The following DPP6 variants were observed in gnomAD, a reference collection of about 807,000 sequenced individuals.
DPP6 encodes dipeptidyl peptidase like 6.
A neutral mutation model predicts 122.6 loss-of-function variants in DPP6; 69 were observed. The ratio of observed to expected loss-of-function variants is 0.56; its 90% CI spans 0.46 to 0.69. The LOEUF is 0.69. Among genes scored for constraint, DPP6 ranks in the 30% least tolerant of loss-of-function variants. The pLI is 0.00. For missense variants in DPP6, 928 were observed against 1,116.9 expected, an observed-to-expected ratio of 0.83 and a Z score of 2.41; for synonymous variants, 418 against 433.1, an observed-to-expected ratio of 0.97 and a Z score of 0.43.
At chr7:154,823,612 G>A (rs1799944568) in intron 16 of DPP6, among the ~76,000 whole-genome samples, 1 of 152,288 alleles carries the variant, frequency 6.6e-6, no homozygotes, top group African/African-American at 2.4e-5. Context: ...GGATCTCATC[G>A]TGTGTAATAT....
intron 13 of DPP6, among the ~76,000 whole-genome samples, chr7:154,801,986 C>T (rs183218714): frequency 4.1e-4 from 62 of 152,164 alleles, no homozygotes; most frequent in African/African-American, 1.4e-3. Context: ...AGTAGGGAAT[C>T]TCAGAGATTA....
intron 25 of DPP6, among the ~76,000 whole-genome samples, chr7:154,891,976 T>C (rs547002864): frequency 2.6e-5 from 4 of 152,182 alleles, no homozygotes; most frequent in African/African-American, 9.6e-5. Context: ...ATCCGGACTG[T>C]AGAGTGTTGA....
intron 5 of DPP6, among the ~76,000 whole-genome samples, chr7:154,589,604 G>A (rs1218226591): frequency 6.6e-6 from 1 of 152,204 alleles, no homozygotes; most frequent in African/African-American, 2.4e-5. Flanking sequence ...TGGGGAATGT[G>A]GCTGGTCTGA....
intron 1 of DPP6, among the ~76,000 whole-genome samples, chr7:154,172,014 C>A (rs772953979): frequency 5.9e-5 from 9 of 152,138 alleles, no homozygotes; most frequent in Non-Finnish European, 1.5e-5. Context: ...GAGAGGTGAT[C>A]TGACACAAGG....
In DPP6 at chr7:154,860,199, T is replaced by A. The variant is rs758490410; in HGVS notation, c.1714+6372T>A. Among the ~76,000 whole-genome samples, 9 of 152,106 alleles carry A rather than the reference T, an allele frequency of 5.9e-5. 1 individual carries two copies. The highest frequency in any genetic ancestry group is 1.3e-4 in the Admixed American group (2 of 15,272). ...CTGCTGGGCGCACCCCTGCCCCACC[T>A]TCTCCCTGAGGCACCCCCTCCTAGA... On this transcript the variant is annotated intron_variant, in intron 17 of 25. Coordinates refer to ENST00000377770, the MANE Select transcript of DPP6 (RefSeq NM_130797.4).
chr7:154,707,710 T>C (rs1840913333), intron 7 of DPP6, among the ~76,000 whole-genome samples: 1 of 152,190 alleles, frequency 6.6e-6, no homozygotes, highest in South Asian at 2.1e-4. Context: ...AAGAGATACC[T>C]GAGACTGGGT....
intron 1 of DPP6, among the ~76,000 whole-genome samples, chr7:153,932,325 T>C (rs984072316): frequency 6.6e-6 from 1 of 152,092 alleles, no homozygotes; most frequent in Non-Finnish European, 1.5e-5. Context: ...TTCACCATGT[T>C]GACCAGGGTG....
intron 4 of DPP6, among the ~76,000 whole-genome samples, chr7:154,552,005 T>C (rs1346798178): frequency 6.6e-6 from 1 of 152,202 alleles, no homozygotes; most frequent in African/African-American, 2.4e-5. Context: ...AATCCAGCTT[T>C]TTCCAATTGT....
chr7:154,266,441 T>A (rs1803424069), intron 1 of DPP6, among the ~76,000 whole-genome samples: 1 of 152,104 alleles, frequency 6.6e-6, no homozygotes, highest in Admixed American at 6.6e-5. Flanking sequence ...TAGCTGGGTG[T>A]GGTGGTGCAC....
intron 7 of DPP6, among the ~76,000 whole-genome samples, chr7:154,716,125 C>T (rs960059904): frequency 2.6e-5 from 4 of 152,154 alleles, no homozygotes; most frequent in African/African-American, 7.2e-5. Context: ...GGCCTCCCCA[C>T]CTCCAGACTT....
At chr7:154,800,569 C>G (rs976491089) in intron 12 of DPP6, among the ~76,000 whole-genome samples, 1 of 152,182 alleles carries the variant, frequency 6.6e-6, no homozygotes, top group East Asian at 1.9e-4. Context: ...GTTCACTGTC[C>G]GGGGACCAGG....
At chr7:154,632,823 G>T (rs141879215) in intron 5 of DPP6, among the ~76,000 whole-genome samples, 9 of 152,272 alleles carry the variant, frequency 5.9e-5, no homozygotes, top group Non-Finnish European at 1.2e-4. Context: ...GGGTCCATCG[G>T]AGAGAAGGAG....
intron 2 of DPP6, among the ~76,000 whole-genome samples, chr7:154,456,258 G>A (rs940095875): frequency 6.6e-6 from 1 of 152,186 alleles, no homozygotes; most frequent in South Asian, 2.1e-4. Context: ...CACTTCTGCA[G>A]AAACAGTATA....
chr7:153,986,325 C>G (rs1421507644), intron 1 of DPP6, among the ~76,000 whole-genome samples: 1 of 151,914 alleles, frequency 6.6e-6, no homozygotes, highest in Non-Finnish European at 1.5e-5. Context: ...GAGAAGCTAT[C>G]TTTCTATTTT....
At chr7:154,140,690 A>G (rs1183539277) in intron 1 of DPP6, among the ~76,000 whole-genome samples, 1 of 152,236 alleles carries the variant, frequency 6.6e-6, no homozygotes, top group Non-Finnish European at 1.5e-5. Context: ...AACCTGAATT[A>G]TATACCTAAC....
intron 1 of DPP6, among the ~76,000 whole-genome samples, chr7:154,148,564 G>A (rs1585488677): frequency 1.3e-5 from 2 of 152,132 alleles, no homozygotes; most frequent in South Asian, 2.1e-4. Context: ...GACCCCCAGA[G>A]CTTGCCCTGT....
Position 154,563,540 on chromosome 7 carries a change from TG to T in DPP6, c.553-3299del, listed in dbSNP as rs374656564. 1.8e-4 allele frequency among the ~76,000 whole-genome samples: 28 copies of T among 152,130 alleles called. No individual in the cohort carries two copies. In the East Asian group the frequency reaches 5.4e-3, roughly 29 times the overall value. ...ATACCTTAGACAAGGGTAATGGTGG[TG>T]GGAAAGAGAAGAAATGGTTCCAAAC... On this transcript the variant is annotated intron_variant, in intron 4 of 25. Transcript: ENST00000377770.
intron 7 of DPP6, among the ~76,000 whole-genome samples, chr7:154,692,653 G>A (rs1053815515): frequency 6.6e-6 from 1 of 152,158 alleles, no homozygotes; most frequent in Non-Finnish European, 1.5e-5. Flanking sequence ...AGATGCTGAT[G>A]TAGCTACAGA....
chr7:154,886,512 G>C (rs1806168369), intron 22 of DPP6, among the ~76,000 whole-genome samples: 1 of 152,182 alleles, frequency 6.6e-6, no homozygotes, highest in South Asian at 2.1e-4. Context: ...CCTGAGCTCT[G>C]TGACCTGAAC....
Sources: allele counts gnomAD v4.1 joint callset (sites outside exome capture counted in the v4.1 genomes callset), GRCh38; gene constraint gnomAD v4.1.1; transcripts MANE v1.5; gene names NCBI Gene and HGNC (gene_info 2026-07-23, HGNC 2026-07-21).